The following ZNF385D variants were observed in gnomAD, a reference collection of about 807,000 sequenced individuals.
ZNF385D encodes zinc finger protein 659.
In ZNF385D, 15 loss-of-function variants were observed where a neutral mutation model predicts 35.8. That is an observed-to-expected ratio of 0.42 (90% CI 0.28 to 0.64). The LOEUF (loss-of-function observed/expected upper bound fraction) is 0.64. Ranked by LOEUF, ZNF385D falls within the 30% of genes least tolerant of loss-of-function variation. The pLI is 0.23. For missense variants in ZNF385D, 474 were observed against 494.6 expected, an observed-to-expected ratio of 0.96 and a Z score of 0.39; for synonymous variants, 212 against 186.8, an observed-to-expected ratio of 1.13 and a Z score of -1.10.
chr3:22,136,287 C>T (rs1489919546), intron 3 of ZNF385D, among the ~76,000 whole-genome samples: 1 of 152,064 alleles, frequency 6.6e-6, no homozygotes, highest in Non-Finnish European at 1.5e-5. Flanking sequence ...ACTCGGGAGG[C>T]TGAGGTACGA....
At chr3:21,767,293 A>T (rs1340283247) in intron 3 of ZNF385D, among the ~76,000 whole-genome samples, 2 of 151,892 alleles carry the variant, frequency 1.3e-5, no homozygotes, top group Non-Finnish European at 2.9e-5. Context: ...TTTTTAGCTC[A>T]ACTGCCACTT....
At chr3:22,285,017 T>C (rs1419156510) in intron 2 of ZNF385D, among the ~76,000 whole-genome samples, 2 of 152,262 alleles carry the variant, frequency 1.3e-5, no homozygotes, top group South Asian at 2.1e-4. Context: ...ATGTTTAGTT[T>C]ACTGAATAAT....
At chr3:22,195,087 C>G (rs970736878) in intron 2 of ZNF385D, among the ~76,000 whole-genome samples, 5 of 151,812 alleles carry the variant, frequency 3.3e-5, no homozygotes, top group Non-Finnish European at 7.4e-5. Context: ...TTTCTACCAG[C>G]AATTTATGAG....
At chr3:22,140,006 A>G (rs1333044021) in intron 3 of ZNF385D, among the ~76,000 whole-genome samples, 1 of 152,222 alleles carries the variant, frequency 6.6e-6, no homozygotes, top group Non-Finnish European at 1.5e-5. Context: ...GTTACTGGAA[A>G]TATACAATGG....
At chr3:21,717,368 A>T (rs2068364588) in intron 1 of ZNF385D, among the ~76,000 whole-genome samples, 1 of 152,202 alleles carries the variant, frequency 6.6e-6, no homozygotes, top group Non-Finnish European at 1.5e-5. Context: ...TCAAACTTAC[A>T]GACAGTATTT....
At chr3:21,642,748 T>G (rs1044708909) in intron 2 of ZNF385D, among the ~76,000 whole-genome samples, 8 of 152,106 alleles carry the variant, frequency 5.3e-5, no homozygotes, top group Non-Finnish European at 1.0e-4. Flanking sequence ...GTGCATACAA[T>G]GGAATATTAT....
At chr3:21,715,595 T>G (rs2068286355) in intron 1 of ZNF385D, among the ~76,000 whole-genome samples, 1 of 152,138 alleles carries the variant, frequency 6.6e-6, no homozygotes, top group Non-Finnish European at 1.5e-5. Flanking sequence ...ATATTGATTT[T>G]TTTTTCCTTT....
intron 2 of ZNF385D, among the ~76,000 whole-genome samples, chr3:21,595,741 T>A (rs2064111168): frequency 6.6e-6 from 1 of 152,146 alleles, no homozygotes; most frequent in Admixed American, 6.5e-5. Flanking sequence ...TTTGTCCAAG[T>A]GATTTTTGAA....
At chr3:22,362,716 A>T (rs1048826540) in intron 2 of ZNF385D, among the ~76,000 whole-genome samples, 9 of 152,146 alleles carry the variant, frequency 5.9e-5, no homozygotes, top group African/African-American at 2.2e-4. Flanking sequence ...GATCATATTT[A>T]TAAAACTCAA....
chr3:21,840,874 G>A (rs1695627097), intron 3 of ZNF385D, among the ~76,000 whole-genome samples: 1 of 152,016 alleles, frequency 6.6e-6, no homozygotes, highest in African/African-American at 2.4e-5. Flanking sequence ...GCTTCAAAGA[G>A]TTTGCTGTCT....
chr3:21,999,177 T>A (rs1379723087), intron 3 of ZNF385D, among the ~76,000 whole-genome samples: 1 of 152,196 alleles, frequency 6.6e-6, no homozygotes, highest in Non-Finnish European at 1.5e-5. Context: ...GTTGTTTTTA[T>A]CAATAAAAAG....
intron 1 of ZNF385D, among the ~76,000 whole-genome samples, chr3:21,699,823 C>CTTTTTTT (rs1006362754): frequency 5.1e-4 from 45 of 88,904 alleles, no homozygotes; most frequent in Admixed American, 5.7e-4. Flanking sequence ...GTTTCTTTTC[C>CTTTTTTT]TTTTTTTTTT....
chr3:21,678,409 G>A (rs902797565), intron 1 of ZNF385D, among the ~76,000 whole-genome samples: 1 of 152,038 alleles, frequency 6.6e-6, no homozygotes, highest in African/African-American at 2.4e-5. Context: ...AATGCCTTGA[G>A]AATATACAAC....
chr3:22,011,840 T>C (rs1012661630), intron 3 of ZNF385D, among the ~76,000 whole-genome samples: 4 of 152,128 alleles, frequency 2.6e-5, no homozygotes, highest in African/African-American at 9.6e-5. Context: ...TGGATATCTA[T>C]CTAACTGTAA....
chr3:22,204,469 G>A (rs554310347), intron 2 of ZNF385D, among the ~76,000 whole-genome samples: 22 of 152,034 alleles, frequency 1.4e-4, no homozygotes, highest in Non-Finnish European at 2.8e-4. Flanking sequence ...ACATCCACAA[G>A]CATCAAGAGC....
intron 2 of ZNF385D, among the ~76,000 whole-genome samples, chr3:22,203,814 C>G (rs185334828): frequency 1.6e-3 from 243 of 152,208 alleles, no homozygotes; most frequent in Middle Eastern, 3.4e-3. Flanking sequence ...TTAGCTCAGT[C>G]GCAGTAGAAT....
chr3:22,096,377 T>C (rs1701633559), intron 3 of ZNF385D, among the ~76,000 whole-genome samples: 15 of 152,036 alleles, frequency 9.9e-5, no homozygotes. Flanking sequence ...AAAAACTGTT[T>C]ATGGCTTATT....
intron 3 of ZNF385D, among the ~76,000 whole-genome samples, chr3:22,104,826 C>T (rs1442684988): frequency 6.6e-6 from 1 of 152,102 alleles, no homozygotes; most frequent in Non-Finnish European, 1.5e-5. Context: ...TGTCTGAAAT[C>T]AAAAGAGTCT....
At chr3:21,567,692 A>G (rs563367366) in intron 2 of ZNF385D, among the ~76,000 whole-genome samples, 4 of 152,350 alleles carry the variant, frequency 2.6e-5, no homozygotes, top group African/African-American at 9.6e-5. Context: ...AATTATGCCT[A>G]TAACCCATTA....
Sources: gnomAD v4.1 joint callset for allele counts (sites outside exome capture counted in the v4.1 genomes callset) on GRCh38, gnomAD v4.1.1 for gene constraint, MANE v1.5 for transcripts, NCBI Gene and HGNC (gene_info 2026-07-23, HGNC 2026-07-21) for gene names.